Variants in DPP8 observed in about 807,000 individuals in gnomAD.
DPP8 encodes the protein dipeptidyl peptidase 8.
A neutral mutation model predicts 107.5 loss-of-function variants in DPP8; 31 were observed. That is an observed-to-expected ratio of 0.29 (90% confidence interval 0.22 to 0.39). DPP8 has a LOEUF of 0.39. Among genes scored for constraint, DPP8 ranks in the 10% least tolerant of loss-of-function variants. The pLI, the probability that DPP8 is intolerant of heterozygous loss-of-function variation, is 1.00. For missense variants in DPP8, 842 were observed against 1,076.1 expected (o/e 0.78, Z 3.04); for synonymous variants, 381 against 356.6 (o/e 1.07, Z -0.77).
intron 5 of DPP8, 96 bp from the exon 6 acceptor site, chr15:65,490,395 A>G: frequency 1.3e-6 from 1 of 773,980 alleles, no homozygotes. Flanking sequence ...TGGCTGGAAT[A>G]CAGTGGTAAA....
chr15:65,453,878 C>G (rs2064178996), intron 17 of DPP8, among the ~76,000 whole-genome samples: 1 of 152,088 alleles, frequency 6.6e-6, no homozygotes, highest in Non-Finnish European at 1.5e-5. Context: ...GAGGCCAACG[C>G]AGGTGGATCT....
chr15:65,476,243 A>T (rs554754086), intron 11 of DPP8, among the ~76,000 whole-genome samples: 21 of 152,358 alleles, frequency 1.4e-4, no homozygotes, highest in Non-Finnish European at 2.8e-4. Context: ...AGTTTAAAAA[A>T]ATATTTTAAA....
intron 1 of DPP8, among the ~76,000 whole-genome samples, chr15:65,514,213 T>C (rs1361140542): frequency 6.6e-6 from 1 of 152,220 alleles, no homozygotes; most frequent in Admixed American, 6.5e-5. Flanking sequence ...GTTACCTATG[T>C]TACCATTTTC....
At position 65,517,598 on chromosome 15, in the gene DPP8, C is replaced by G. The variant is rs776071758; in HGVS notation, c.-124G>C. Reference sequence around the variant, plus strand: ...CTGGTTGCAGTGGCTTCCTCGGCGGCGGCGCCGGTGACAACCCAGGCGGCG... The same window carrying G: ...CTGGTTGCAGTGGCTTCCTCGGCGGGGGCGCCGGTGACAACCCAGGCGGCG... On this transcript the variant is annotated 5_prime_UTR_variant, in exon 1 of 20. Coordinates refer to ENST00000300141, the MANE Select transcript of DPP8 (RefSeq NM_130434.5). The G allele has an allele frequency of 1.3e-5, 2 of 152,578 alleles. No homozygotes were observed. Among genetic ancestry groups the G allele is most frequent in the African/African-American group, 2.4e-5 (1 of 41,490 alleles). 9.5% of individuals were successfully genotyped at this position (152,578 alleles called of 1,614,324 possible). A position where few individuals can be genotyped will look rare whatever the true frequency, so the allele number is the denominator to read the frequency against.
At chr15:65,487,946 T>A in intron 6 of DPP8, 128 bp from the exon 7 acceptor site, 1 of 671,132 alleles carries the variant, frequency 1.5e-6, no homozygotes, top group Non-Finnish European at 2.5e-6. Flanking sequence ...TGCTGCCTTT[T>A]TTGTAGGAAA....
chr15:65,462,370 T>C (rs1183298873), intron 15 of DPP8, among the ~76,000 whole-genome samples: 2 of 152,242 alleles, frequency 1.3e-5, no homozygotes, highest in Non-Finnish European at 2.9e-5. Flanking sequence ...ATGGTTTATG[T>C]AGTTATTTTA....
Position 65,443,473 on chromosome 15 carries a change from G to A in DPP8, c.*3411C>T, listed in dbSNP as rs2063371767. ...TATAGAAAGGCGGGCTATACTTTCT[G>A]GAAGGAATAAAACAAGTAGTAAAAA... On this transcript the variant is annotated 3_prime_UTR_variant, in exon 20 of 20. Coordinates refer to ENST00000300141, the MANE Select transcript of DPP8 (RefSeq NM_130434.5). The A allele has an allele frequency of 7.0e-6, 1 of 143,318 alleles. No individual in the cohort carries two copies. Among genetic ancestry groups the A allele is most frequent in the Non-Finnish European group, 1.5e-5 (1 of 67,028 alleles). 8.9% of individuals were successfully genotyped at this position (143,318 alleles called of 1,614,324 possible).
intron 11 of DPP8, among the ~76,000 whole-genome samples, chr15:65,477,422 A>T (rs2456012): frequency 0.06 from 9,191 of 152,164 alleles, 282 homozygotes; most frequent in African/African-American, 0.082. Context: ...TAATTAATTT[A>T]AAAAATGTAT....
intron 3 of DPP8, 47 bp from the exon 4 acceptor site, chr15:65,500,826 C>T (rs199943145): frequency 4.5e-6 from 6 of 1,339,312 alleles, no homozygotes; most frequent in South Asian, 1.4e-5. Flanking sequence ...GAAAAACCAT[C>T]TTTTGCTTTT....
At position 65,500,590 on chromosome 15, in the gene DPP8, A is replaced by T; in HGVS notation, c.546+16T>A. The T allele has an allele frequency of 1.9e-6, 3 of 1,610,842 alleles. No homozygotes were observed. The highest frequency in any genetic ancestry group is 2.5e-6 in the Non-Finnish European group (3 of 1,177,362). ...TGGACCCAAACCAGATTTAATCACT[A>T]GCAACTCCAACTTACCGTAAATCCT... On this transcript the variant is annotated intron_variant, in intron 4 of 19. Coordinates refer to ENST00000300141, the MANE Select transcript of DPP8 (RefSeq NM_130434.5).
At chr15:65,451,629 TA>T (rs1459190382) in intron 18 of DPP8, among the ~76,000 whole-genome samples, 3 of 152,184 alleles carry the variant, frequency 2.0e-5, no homozygotes, top group Non-Finnish European at 4.4e-5. Context: ...ATCTTCATTT[TA>T]AAGCTTGAAT....
intron 5 of DPP8, among the ~76,000 whole-genome samples, chr15:65,493,152 CA>C (rs1309487177): frequency 6.6e-6 from 1 of 151,972 alleles, no homozygotes; most frequent in Non-Finnish European, 1.5e-5. Context: ...AGCTCCATCT[CA>C]GCTCACCGCA....
intron 3 of DPP8, among the ~76,000 whole-genome samples, chr15:65,501,081 G>A (rs890957456): frequency 1.3e-5 from 2 of 151,902 alleles, no homozygotes; most frequent in African/African-American, 4.8e-5. Context: ...GTTTCACCGT[G>A]TTAGCCAGGA....
chr15:65,475,104 T>A (rs2140636303), intron 11 of DPP8, among the ~76,000 whole-genome samples: 1 of 152,314 alleles, frequency 6.6e-6, no homozygotes, highest in African/African-American at 2.4e-5. Flanking sequence ...ATAAATAAAG[T>A]CAGTGTTAAA....
intron 12 of DPP8, among the ~76,000 whole-genome samples, chr15:65,471,514 T>TG (rs375758188): frequency 0.2 from 17,316 of 86,052 alleles, 1,732 homozygotes; most frequent in African/African-American, 0.45. Context: ...AACCAGCCTA[T>TG]TTTTTTTTTT....
At chr15:65,472,024 T>C (rs977390546) in intron 12 of DPP8, among the ~76,000 whole-genome samples, 11 of 152,178 alleles carry the variant, frequency 7.2e-5, no homozygotes, top group African/African-American at 2.7e-4. Context: ...AGAGATCTCA[T>C]GAATGTGATC....
In DPP8 at chr15:65,446,869, C is replaced by CT. The variant is rs1184963077; in HGVS notation, c.*14dup. The stretch of plus-strand genomic sequence containing the variant: ...AATAGCCAGTGTATACCAGAGAGTT[C>CT]TACACAGGTCAAAATTATATCACTT... On this transcript the variant is annotated 3_prime_UTR_variant, in exon 20 of 20. Coordinates refer to ENST00000300141, the MANE Select transcript of DPP8 (RefSeq NM_130434.5). 6.2e-7 allele frequency: 1 copy of CT among 1,605,604 alleles called. No homozygotes were observed. Among genetic ancestry groups the CT allele is most frequent in the Non-Finnish European group, 8.5e-7 (1 of 1,176,664 alleles).
Position 65,500,733 on chromosome 15 carries a change from C to G in DPP8, c.419G>C (p.Arg140Thr), listed in dbSNP as rs2069132295. The G allele has an allele frequency of 6.2e-7, 1 of 1,614,068 alleles. No individual in the cohort carries two copies. The highest frequency in any genetic ancestry group is 8.5e-7 in the Non-Finnish European group (1 of 1,179,976). Residue 140 changes from arginine (R) to threonine (T), a missense_variant, in exon 4 of 20, where the codon AGA becomes ACA. By Grantham distance (71) the Arg-to-Thr change is moderately conservative (BLOSUM62 -1). Around this residue, in one of 2 missense-constraint regions of DPP8, gnomAD observed 663 missense variants for 758.0 expected, o/e 0.87. Transcript: ENST00000300141. ...GACTGTTCCAATGCGTTTTCTTTCT[C>G]TTAATAGTTCTTCTTCTCGAGAATA... is the stretch of plus-strand genomic sequence containing the variant. ...GMYSREEELL[R>T]ERKRIGTVGI...
intron 2 of DPP8, among the ~76,000 whole-genome samples, chr15:65,509,461 C>T (rs1338975660): frequency 6.6e-6 from 1 of 152,134 alleles, no homozygotes; most frequent in Non-Finnish European, 1.5e-5. Flanking sequence ...GACATAAGCA[C>T]AAATGGGCTT....
Sources: allele counts gnomAD v4.1 joint callset (sites outside exome capture counted in the v4.1 genomes callset), GRCh38; gene constraint gnomAD v4.1.1; regional missense constraint gnomAD v4.1.1; transcripts MANE v1.5; gene names NCBI Gene and HGNC (gene_info 2026-07-23, HGNC 2026-07-21).